CARMIL3: variants seen among roughly 807,000 people sequenced by gnomAD.
The protein encoded by CARMIL3 is capping protein, Arp2/3 and myosin-I linker protein 3.
Under a neutral mutation model 180.8 loss-of-function variants are expected in CARMIL3, and 88 were observed. That is an observed-to-expected ratio of 0.49 (90% CI 0.41 to 0.58). The LOEUF (loss-of-function observed/expected upper bound fraction) is 0.58, where lower values mean the gene tolerates loss of function less well. Ranked by LOEUF, CARMIL3 falls within the 20% of genes least tolerant of loss-of-function variation. The pLI is 0.00. For synonymous variants in CARMIL3, 696 were observed against 714.5 expected, an observed-to-expected ratio of 0.97 and a Z score of 0.41; for missense variants, 1,548 against 1,787.0, an observed-to-expected ratio of 0.87 and a Z score of 2.41.
rs779372650 is a variant in CARMIL3 at position 24,065,101 on chromosome 14, C to T, written c.3224C>T (p.Thr1075Ile). The change falls in exon 33 of 40, where the codon ACT becomes ATT. Residue 1075 changes from threonine (T) to isoleucine (I), a missense_variant. By Grantham distance (89) the Thr-to-Ile change is moderately conservative. Around this residue, in one of 4 missense-constraint regions of CARMIL3, gnomAD observed 668 missense variants for 687.8 expected, o/e 0.97. Transcript: ENST00000342740. ...GACAGGGGGCCGGGGTCCCCTACCA[C>T]TGGACTCCTCCTCCCTCCACCCCCA... is the stretch of plus-strand genomic sequence containing the variant. ...KGDRGPGSPT[T>I]GLLLPPPPPP... 1.4e-5 allele frequency: 22 copies of T among 1,565,556 alleles called. No individual in the cohort carries two copies. The South Asian group carries it at 2.6e-4, about 19-fold the overall frequency.
chr14:24,053,980 A>G lies in CARMIL3; in HGVS notation c.136-108A>G, dbSNP rs546827248. 5.3e-5 allele frequency: 71 copies of G among 1,332,148 alleles called. No homozygotes were observed. The East Asian group carries it at 1.6e-3, about 30-fold the overall frequency. 82.5% of individuals were successfully genotyped at this position (1,332,148 alleles called of 1,614,324 possible). Reference sequence around the variant, plus strand: ...GATGTCCAGAAGTCTAGGGTAGGGCATCGGGTTGGGGAGACACTCCAAGAG... The same window carrying G: ...GATGTCCAGAAGTCTAGGGTAGGGCGTCGGGTTGGGGAGACACTCCAAGAG... On this transcript the variant is annotated intron_variant, in intron 2 of 39. Coordinates refer to ENST00000342740, the MANE Select transcript of CARMIL3 (RefSeq NM_138360.4).
chr14:24,055,615 G>A lies in CARMIL3; in HGVS notation c.678G>A (p.Arg226=). 9.9e-6 allele frequency: 16 copies of A among 1,614,136 alleles called. No homozygotes were observed. The highest frequency in any genetic ancestry group is 1.4e-5 in the Non-Finnish European group (16 of 1,180,000). ...CCAAACTCTACTGCAAGGACTTGCG[G>A]CTGGTAGGAACTGGGAGGGGCTGGT... is the stretch of plus-strand genomic sequence containing the variant. ...WFTKLYCKDL[R]LGSEVLEQVL... Residue 226 remains arginine (R), a synonymous_variant, in exon 9 of 40, where the codon CGG becomes CGA. Transcript: ENST00000342740.
intron 25 of CARMIL3, 31 bp from the exon 26 acceptor site, chr14:24,060,896 G>A (rs1594551303): frequency 1.9e-6 from 3 of 1,546,976 alleles, no homozygotes; most frequent in East Asian, 4.9e-5. Flanking sequence ...CCTGGTTCTG[G>A]CCTGCTAATC....
intron 10 of CARMIL3, among the ~76,000 whole-genome samples, 156 bp downstream of exon 10, chr14:24,055,945 G>A (rs569851630): frequency 7.2e-5 from 11 of 152,260 alleles, no homozygotes; most frequent in Non-Finnish European, 1.3e-4. Flanking sequence ...AAAGCAAGTC[G>A]GAGGTCAAGC....
chr14:24,059,902 C>T lies in CARMIL3; in HGVS notation c.1869-68C>T. ...AGCAAGGGGGCTGGAGGGCTGCTCA[C>T]CAACAGAGGAGGCAGGGGCCTCCCA... On this transcript the variant is annotated intron_variant, in intron 22 of 39. Transcript: ENST00000342740. This position sits in a 1 kb window ranked among gnomAD's most constrained non-coding sequence, Gnocchi z 6.3. 6.3e-7 allele frequency: 1 copy of T among 1,576,238 alleles called. No homozygotes were observed. Among genetic ancestry groups the T allele is most frequent in the Admixed American group, 1.7e-5 (1 of 59,880 alleles).
In CARMIL3 at chr14:24,055,630, G is replaced by T; in HGVS notation, c.681+12G>T. 6.2e-7 allele frequency: 1 copy of T among 1,614,118 alleles called. No individual in the cohort carries two copies. Among genetic ancestry groups the T allele is most frequent in the Non-Finnish European group, 8.5e-7 (1 of 1,179,998 alleles). On this transcript the variant is annotated intron_variant, in intron 9 of 39. Transcript: ENST00000342740. ...AGGACTTGCGGCTGGTAGGAACTGG[G>T]AGGGGCTGGTGAGGTGGGAGAAGTA... is the stretch of plus-strand genomic sequence containing the variant.
In CARMIL3 at chr14:24,056,371, C is replaced by T. The variant is rs267603959; in HGVS notation, c.843C>T (p.Ser281=). Residue 281 remains serine (S), a synonymous_variant, in exon 11 of 40, where the codon TCC becomes TCT. Transcript: ENST00000342740. ...GSCVLHALTL[S]HNPIEDKGFL... ...GTGTGCTGCATGCCCTCACTCTGTCCCACAACCCCATCGAGGACAAGGGTG... is the reference window on the plus strand; with the variant it reads ...GTGTGCTGCATGCCCTCACTCTGTCTCACAACCCCATCGAGGACAAGGGTG... 3 of 1,613,722 alleles carry T rather than the reference C, an allele frequency of 1.9e-6. No individual in the cohort carries two copies. Among genetic ancestry groups the T allele is most frequent in the Non-Finnish European group, 2.5e-6 (3 of 1,179,748 alleles).
Position 24,054,453 on chromosome 14 carries a change from G to A in CARMIL3, c.304G>A (p.Val102Met). Residue 102 changes from valine (V) to methionine (M), a missense_variant, in exon 5 of 40, where the codon GTG becomes ATG. By Grantham distance (21) the Val-to-Met change is conservative. This residue lies in a region of CARMIL3 where 578 missense variants were observed against 666.5 expected (regional missense o/e 0.87). Transcript: ENST00000342740. This position sits in a 1 kb window ranked among gnomAD's most constrained non-coding sequence, Gnocchi z 5.1. ...CATGCGACTGCCATCAGCTGAAAGT[G>A]TGGACCAGGTGACACGACATGTGAG... ...VSMRLPSAES[V>M]DQVTRHVSSA... 1 of 1,614,190 alleles carries A rather than the reference G, an allele frequency of 6.2e-7. No homozygotes were observed. Among genetic ancestry groups the A allele is most frequent in the South Asian group, 1.1e-5 (1 of 91,088 alleles).
rs753231878 is a variant in CARMIL3, at chr14:24,055,819, T to C, written c.770+30T>C. On this transcript the variant is annotated intron_variant, in intron 10 of 39. Transcript: ENST00000342740. The stretch of plus-strand genomic sequence containing the variant: ...GGCCAGTCTCCTCCTTGGGCAGTAG[T>C]GCACCCTTGATGTAGTTTTAGGGTC... 2.5e-6 allele frequency: 4 copies of C among 1,601,742 alleles called. No homozygotes were observed. The South Asian group carries it at 4.4e-5, about 18-fold the overall frequency.
At chr14:24,065,370 AC>A in intron 33 of CARMIL3, 97 bp downstream of exon 33, 7 of 1,238,238 alleles carry the variant, frequency 5.7e-6, no homozygotes, top group Non-Finnish European at 7.7e-6. Context: ...GAATGCTAGG[AC>A]CCAGGGTTCT....
Position 24,069,257 on chromosome 14 carries a change from G to T in CARMIL3, c.4093+10G>T. 1 of 1,613,966 alleles carries T rather than the reference G, an allele frequency of 6.2e-7. No homozygotes were observed. Among genetic ancestry groups the T allele is most frequent in the Non-Finnish European group, 8.5e-7 (1 of 1,179,886 alleles). Reference sequence around the variant, plus strand: ...CCTCCTGACCCCACAGGTGCTGGTGGTGAGAGGGCAGGTCCCCCCTTCCCA... The same window carrying T: ...CCTCCTGACCCCACAGGTGCTGGTGTTGAGAGGGCAGGTCCCCCCTTCCCA... On this transcript the variant is annotated intron_variant, in intron 39 of 39. Transcript: ENST00000342740.
intron 10 of CARMIL3, among the ~76,000 whole-genome samples, chr14:24,056,035 A>T (rs1010327563): frequency 6.6e-6 from 1 of 152,046 alleles, no homozygotes; most frequent in Non-Finnish European, 1.5e-5. Context: ...CTCTTTTTCC[A>T]TTAACTACCA....
In CARMIL3 at chr14:24,063,446, G is replaced by GC; in HGVS notation, c.2895dup (p.Thr966HisfsTer46). 1.2e-6 allele frequency: 2 copies of GC among 1,613,890 alleles called. No individual in the cohort carries two copies. The highest frequency in any genetic ancestry group is 1.7e-6 in the Non-Finnish European group (2 of 1,180,002). ...GCTCCTGGGAAGGTCTATCTGAGCT[G>GC]CCCACTCATGGTTACAAACTAAGGC... On this transcript the variant is annotated frameshift_variant, in exon 31 of 40. Transcript: ENST00000342740. LOFTEE classifies it high-confidence loss of function.
At chr14:24,065,897 A>G (rs1250219471) in intron 34 of CARMIL3, 147 bp downstream of exon 34, 4 of 1,181,470 alleles carry the variant, frequency 3.4e-6, no homozygotes, top group Non-Finnish European at 4.7e-6. Flanking sequence ...AGCCCCCACC[A>G]CACACTTGCC....
In CARMIL3 at chr14:24,058,641, C is replaced by A. The variant is rs780722198; in HGVS notation, c.1393-39C>A. The stretch of plus-strand genomic sequence containing the variant: ...AGCATTAAAGGTGCCCTACCCCCAC[C>A]CCAACCCCTGCCTTCCCTACCTCAC... On this transcript the variant is annotated intron_variant, in intron 17 of 39. Coordinates refer to ENST00000342740, the MANE Select transcript of CARMIL3 (RefSeq NM_138360.4). This position sits in a 1 kb window ranked among gnomAD's most constrained non-coding sequence, Gnocchi z 6.4. The A allele has an allele frequency of 2.5e-6, 4 of 1,596,658 alleles. No homozygotes were observed. In the South Asian group the frequency reaches 4.4e-5, roughly 18 times the overall value.
At position 24,068,586 on chromosome 14, in the gene CARMIL3, G is replaced by A. The variant is rs1285408509; in HGVS notation, c.3685G>A (p.Glu1229Lys). 6.2e-7 allele frequency: 1 copy of A among 1,610,350 alleles called. No homozygotes were observed. Among genetic ancestry groups the A allele is most frequent in the Admixed American group, 1.7e-5 (1 of 59,630 alleles). The change falls in exon 37 of 40, where the codon GAA becomes AAA. Residue 1229 changes from glutamate to lysine, a missense_variant and splice_region_variant. By Grantham distance (56) the Glu-to-Lys change is moderately conservative. Transcript: ENST00000342740. ...CTTCTCCTCTCTCTCATCCCCAGCTGAAGAGAGTGCCCCCAACCACAGCTG... is the reference window on the plus strand; with the variant it reads ...CTTCTCCTCTCTCTCATCCCCAGCTAAAGAGAGTGCCCCCAACCACAGCTG... ...RRAEATWHIA[E>K]ESAPNHSCQS... is the part of the protein sequence containing the mutation.
intron 36 of CARMIL3, 114 bp downstream of exon 36, chr14:24,066,770 A>G (rs1000874263): frequency 9.8e-7 from 1 of 1,023,116 alleles, no homozygotes; most frequent in Non-Finnish European, 1.5e-6. Flanking sequence ...GGCAGTGAGA[A>G]GTCAACACAG....
At position 24,065,705 on chromosome 14, in the gene CARMIL3, C is replaced by G. The variant is rs144419221; in HGVS notation, c.3480C>G (p.Pro1160=). ...QQPRVHGVAL[P]GLERAKGWSF... ...CAAGGGTTCACGGTGTTGCCCTTCC[C>G]GGGTTGGAAAGAGCCAAGGGTTGGA... Residue 1160 remains proline, a synonymous_variant, in exon 34 of 40, where the codon CCC becomes CCG. Coordinates refer to ENST00000342740, the MANE Select transcript of CARMIL3 (RefSeq NM_138360.4). The G allele has an allele frequency of 1.2e-5, 20 of 1,614,050 alleles. No homozygotes were observed. Among genetic ancestry groups the G allele is most frequent in the Non-Finnish European group, 1.7e-5 (20 of 1,179,942 alleles).
chr14:24,059,836 C>A lies in CARMIL3; in HGVS notation c.1868+104C>A. 1 of 1,536,734 alleles carries A rather than the reference C, an allele frequency of 6.5e-7. No homozygotes were observed. Among genetic ancestry groups the A allele is most frequent in the African/African-American group, 1.4e-5 (1 of 73,242 alleles). Reference sequence around the variant, plus strand: ...CACCCTAGCCCCTTTGACCTATTTGCACAGAAATTTTAGGAAGGGCCATGG... The same window carrying A: ...CACCCTAGCCCCTTTGACCTATTTGAACAGAAATTTTAGGAAGGGCCATGG... On this transcript the variant is annotated intron_variant, in intron 22 of 39. Transcript: ENST00000342740. The surrounding 1 kb of genome is among the most constrained non-coding windows in gnomAD (Gnocchi z 6.3).
Sources: gnomAD v4.1 joint callset for allele counts (sites outside exome capture counted in the v4.1 genomes callset) on GRCh38, gnomAD v4.1.1 for gene constraint, gnomAD v4.1.1 regional missense constraint, Gnocchi (gnomAD v3.1) non-coding constraint, MANE v1.5 for transcripts, NCBI Gene and HGNC (gene_info 2026-07-23, HGNC 2026-07-21) for gene names.